SUGCT: variants seen among roughly 807,000 people sequenced by gnomAD.
SUGCT encodes succinyl-CoA:glutarate CoA-transferase.
Under a neutral mutation model 55.0 loss-of-function variants are expected in SUGCT, and 41 were observed. That is an observed-to-expected ratio of 0.74 (90% CI 0.58 to 0.97). SUGCT has a LOEUF of 0.97. Ranked by LOEUF, SUGCT falls within the 50% of genes least tolerant of loss-of-function variation. The pLI is 0.00. For synonymous variants in SUGCT, 187 were observed against 200.4 expected, an observed-to-expected ratio of 0.93 and a Z score of 0.56; for missense variants, 568 against 547.8, an observed-to-expected ratio of 1.04 and a Z score of -0.37.
chr7:40,986,688 G>A, the SUGCT span, among the ~76,000 whole-genome samples: 1 of 152,270 alleles, frequency 6.6e-6, no homozygotes. Flanking sequence ...AGGAGTAATC[G>A]CTGAGATGGA....
chr7:40,898,149 C>A, the SUGCT span, among the ~76,000 whole-genome samples: 1 of 150,676 alleles, frequency 6.6e-6, no homozygotes, highest in East Asian at 1.9e-4. Flanking sequence ...CACCAGCTCA[C>A]CAGTAGTGAT....
intron 12 of SUGCT, among the ~76,000 whole-genome samples, chr7:40,621,481 A>G (rs992194605): frequency 6.6e-6 from 1 of 152,158 alleles, no homozygotes; most frequent in African/African-American, 2.4e-5. Context: ...CCTAAGGAGA[A>G]GGAATAAGTT....
At chr7:40,897,221 G>A in the SUGCT span, among the ~76,000 whole-genome samples, 6 of 152,116 alleles carry the variant, frequency 3.9e-5, no homozygotes, top group Non-Finnish European at 8.8e-5. Flanking sequence ...ATGAATTAAA[G>A]ATTTAAATGT....
intron 12 of SUGCT, among the ~76,000 whole-genome samples, chr7:40,718,111 C>A (rs1786123162): frequency 6.6e-6 from 1 of 152,098 alleles, no homozygotes. Flanking sequence ...TGATTTTGGT[C>A]ATTTGTATCA....
At chr7:40,475,250 A>G (rs1790602052) in intron 11 of SUGCT, among the ~76,000 whole-genome samples, 1 of 152,196 alleles carries the variant, frequency 6.6e-6, no homozygotes, top group Non-Finnish European at 1.5e-5. Flanking sequence ...TCTGACCAAC[A>G]TGACATCATC....
At position 40,273,079 on chromosome 7, in the gene SUGCT, T is replaced by C. The variant is rs189267500; in HGVS notation, c.577-1434T>C. Among the ~76,000 whole-genome samples, 838 of 152,334 alleles carry C rather than the reference T, an allele frequency of 5.5e-3. 5 individuals are homozygous for C. The highest frequency in any genetic ancestry group is 9.3e-3 in the Admixed American group (143 of 15,296). On this transcript the variant is annotated intron_variant, in intron 7 of 13. Coordinates refer to ENST00000335693, the MANE Select transcript of SUGCT (RefSeq NM_001193313.2). ...TGTCTCTCACTTTTAAGACATTAAA[T>C]AATTTTAAATTCTAATGACAAATTT...
chr7:40,377,335 C>T (rs1357328490), intron 9 of SUGCT, among the ~76,000 whole-genome samples: 4 of 149,702 alleles, frequency 2.7e-5, no homozygotes, highest in African/African-American at 2.5e-5. Flanking sequence ...CTCCGCCTCC[C>T]GGATTCAAGC....
At chr7:40,426,379 G>C (rs1018033970) in intron 9 of SUGCT, among the ~76,000 whole-genome samples, 4 of 152,138 alleles carry the variant, frequency 2.6e-5, no homozygotes, top group African/African-American at 9.7e-5. Flanking sequence ...AAATTTCAGT[G>C]ACCCTATCCT....
rs904417096 is a variant in SUGCT, at chr7:40,703,086, C to T, written c.1090-46348C>T. Among the ~76,000 whole-genome samples the T allele has an allele frequency of 2.0e-3, 226 of 114,528 alleles. 1 individual carries two copies. Among genetic ancestry groups the T allele is most frequent in the African/African-American group, 7.4e-3 (212 of 28,694 alleles). 75.1% of individuals were successfully genotyped at this position (114,528 alleles called of 152,430 possible). On this transcript the variant is annotated intron_variant, in intron 12 of 13. Transcript: ENST00000335693. ...CTTTTTTTTTTTTTTTTTTTTGAGA[C>T]AGAGTCTCACTCTTGTTGCCCAGGC...
In SUGCT at chr7:40,189,528, A is replaced by T. The variant is rs10236765; in HGVS notation, c.313-16A>T. 17,570 of 980,834 alleles carry T rather than the reference A, an allele frequency of 0.018. 1,478 individuals are homozygous for T. The African/African-American group carries it at 0.22, about 12-fold the overall frequency. 60.8% of individuals were successfully genotyped at this position (980,834 alleles called of 1,614,324 possible). ...TCATCGAAATAATATATATATATATATTTTTTAATTTTTAGAGTATTGCTG... is the reference window on the plus strand; with the variant it reads ...TCATCGAAATAATATATATATATATTTTTTTTAATTTTTAGAGTATTGCTG... On this transcript the variant is annotated splice_polypyrimidine_tract_variant and intron_variant, in intron 4 of 13. Transcript: ENST00000335693.
intron 12 of SUGCT, among the ~76,000 whole-genome samples, chr7:40,535,869 G>A (rs1179544151): frequency 6.6e-6 from 1 of 152,142 alleles, no homozygotes; most frequent in Non-Finnish European, 1.5e-5. Flanking sequence ...GTTGACTAGT[G>A]TGAGATGTTA....
At chr7:40,383,421 C>T (rs1784968160) in intron 9 of SUGCT, among the ~76,000 whole-genome samples, 1 of 152,130 alleles carries the variant, frequency 6.6e-6, no homozygotes, top group Non-Finnish European at 1.5e-5. Flanking sequence ...GACATAGGAA[C>T]ATCAGAACAA....
intron 12 of SUGCT, among the ~76,000 whole-genome samples, chr7:40,687,688 A>G (rs1007243482): frequency 6.6e-6 from 1 of 152,172 alleles, no homozygotes; most frequent in Non-Finnish European, 1.5e-5. Context: ...TCCTATTGGC[A>G]TGAGCTGATC....
At chr7:40,357,656 G>T (rs1413506402) in intron 9 of SUGCT, among the ~76,000 whole-genome samples, 4 of 152,260 alleles carry the variant, frequency 2.6e-5, no homozygotes, top group Non-Finnish European at 5.9e-5. Context: ...TATGAACACT[G>T]ACATTTCAAT....
At chr7:41,035,914 G>C in the SUGCT span, among the ~76,000 whole-genome samples, 2 of 152,118 alleles carry the variant, frequency 1.3e-5, no homozygotes, top group Non-Finnish European at 2.9e-5. Flanking sequence ...CCAGGATCAG[G>C]CTCCCTTGTC....
chr7:40,287,677 T>C (rs923714928), intron 8 of SUGCT, among the ~76,000 whole-genome samples: 2 of 152,050 alleles, frequency 1.3e-5, no homozygotes, highest in African/African-American at 4.8e-5. Context: ...TTTTTGAATT[T>C]TAATAGAGAT....
At chr7:40,335,701 A>C (rs914596200) in intron 9 of SUGCT, among the ~76,000 whole-genome samples, 1 of 152,170 alleles carries the variant, frequency 6.6e-6, no homozygotes, top group African/African-American at 2.4e-5. Flanking sequence ...AAACAGGGAC[A>C]ATTTGACTTC....
chr7:40,266,022 C>T (rs1791549399), intron 7 of SUGCT, among the ~76,000 whole-genome samples: 1 of 152,012 alleles, frequency 6.6e-6, no homozygotes, highest in African/African-American at 2.4e-5. Context: ...GGTTTTTCCC[C>T]TTCATCTCTA....
chr7:40,956,643 T>C, the SUGCT span, among the ~76,000 whole-genome samples: 1 of 150,442 alleles, frequency 6.6e-6, no homozygotes, highest in Non-Finnish European at 1.5e-5. Context: ...CTGATCTTAG[T>C]TATTTGTTGT....
Sources: allele counts gnomAD v4.1 joint callset (sites outside exome capture counted in the v4.1 genomes callset), GRCh38; gene constraint gnomAD v4.1.1; transcripts MANE v1.5; gene names NCBI Gene and HGNC (gene_info 2026-07-23, HGNC 2026-07-21).